Variants in KDM5B observed in about 807,000 individuals in gnomAD.
KDM5B encodes lysine-specific demethylase 5B.
In KDM5B, 144 loss-of-function variants were observed where a neutral mutation model predicts 193.4. The ratio of observed to expected loss-of-function variants is 0.74; its 90% CI spans 0.65 to 0.86. KDM5B has a LOEUF of 0.86. KDM5B is among the 40% of genes least tolerant of loss of function. The pLI, the probability that KDM5B is intolerant of heterozygous loss-of-function variation, is 0.00. For missense variants in KDM5B, 1,833 were observed against 1,886.9 expected (o/e 0.97, Z 0.53); for synonymous variants, 668 against 682.6 (o/e 0.98, Z 0.33).
In KDM5B at chr1:202,740,583, G is replaced by A. The variant is rs1366615420; in HGVS notation, c.3084+91C>T. 6 of 1,277,412 alleles carry A rather than the reference G, an allele frequency of 4.7e-6. No individual in the cohort carries two copies. In the Admixed American group the frequency reaches 1.1e-4, roughly 23 times the overall value. 79.1% of individuals were successfully genotyped at this position (1,277,412 alleles called of 1,614,324 possible). A position where few individuals can be genotyped will look rare whatever the true frequency, so the allele number is the denominator to read the frequency against. ...GACGGGGCGGCTGGCCGGGTCGGGG[G>A]CTGACCCCCCCACCTCCCTCCCGGA... On this transcript the variant is annotated intron_variant, in intron 20 of 26. Coordinates refer to ENST00000367265, the MANE Select transcript of KDM5B (RefSeq NM_006618.5).
At chr1:202,790,196 A>G (rs1244449495) in intron 1 of KDM5B, among the ~76,000 whole-genome samples, 1 of 151,018 alleles carries the variant, frequency 6.6e-6, no homozygotes, top group African/African-American at 2.4e-5. Context: ...TCGGGAGGTA[A>G]AGGTTGCGGT....
In KDM5B at chr1:202,727,018, T is replaced by C. The variant is rs1052026045; in HGVS notation, c.*2018A>G. 2 of 152,196 alleles carry C rather than the reference T, an allele frequency of 1.3e-5. No individual in the cohort carries two copies. Among genetic ancestry groups the C allele is most frequent in the Non-Finnish European group, 2.9e-5 (2 of 68,030 alleles). The allele number at this position is 152,196 out of a possible 1,614,324, so 9.4% of individuals were successfully genotyped here. On this transcript the variant is annotated 3_prime_UTR_variant, in exon 27 of 27. Transcript: ENST00000367265. ...CTACCTTTTCTAACTCACTCAGAGATACAAAGATCTGACTTCCTCAAAGAT... is the reference window on the plus strand; with the variant it reads ...CTACCTTTTCTAACTCACTCAGAGACACAAAGATCTGACTTCCTCAAAGAT...
intron 11 of KDM5B, 120 bp downstream of exon 11, chr1:202,755,151 C>G: frequency 1.4e-6 from 1 of 695,252 alleles, no homozygotes; most frequent in Admixed American, 2.6e-5. Context: ...AAGTGAAAAA[C>G]CTTAGGGAAA....
At chr1:202,749,645 TAC>T (rs1655713891) in intron 13 of KDM5B, among the ~76,000 whole-genome samples, 1 of 151,726 alleles carries the variant, frequency 6.6e-6, no homozygotes, top group South Asian at 2.1e-4. Context: ...TCTGTAATCT[TAC>T]ATATCTTAAT....
At position 202,740,716 on chromosome 1, in the gene KDM5B, C is replaced by T. The variant is rs1314349121; in HGVS notation, c.3042G>A (p.Val1014=). The T allele has an allele frequency of 1.2e-6, 2 of 1,612,846 alleles. No individual in the cohort carries two copies. Among genetic ancestry groups the T allele is most frequent in the African/African-American group, 1.3e-5 (1 of 74,902 alleles). Residue 1014 remains valine (V), a synonymous_variant, in exon 20 of 27, where the codon GTG becomes GTA. Coordinates refer to ENST00000367265, the MANE Select transcript of KDM5B (RefSeq NM_006618.5). ...LPNGAALKDS[V]QRARDWLQDV... ...CCTGAAGCCAGTCTCTGGCTCTCTGCACTGAGTCTTTCAGAGCCGCACCAT... is the reference window on the plus strand; with the variant it reads ...CCTGAAGCCAGTCTCTGGCTCTCTGTACTGAGTCTTTCAGAGCCGCACCAT...
At chr1:202,754,201 T>C (rs546091452) in intron 11 of KDM5B, among the ~76,000 whole-genome samples, 1 of 152,250 alleles carries the variant, frequency 6.6e-6, no homozygotes, top group East Asian at 1.9e-4. Flanking sequence ...CCCTGCGAGG[T>C]ATGGTAAATA....
At chr1:202,795,526 G>A (rs896252175) in intron 1 of KDM5B, among the ~76,000 whole-genome samples, 11 of 151,500 alleles carry the variant, frequency 7.3e-5, no homozygotes, top group African/African-American at 2.4e-4. Flanking sequence ...GTGGCACGTC[G>A]CTGTAATCCC....
chr1:202,729,837 C>T lies in KDM5B; in HGVS notation c.4367G>A (p.Ser1456Asn), dbSNP rs752483009. 6.2e-7 allele frequency: 1 copy of T among 1,614,166 alleles called. No homozygotes were observed. The highest frequency in any genetic ancestry group is 8.5e-7 in the Non-Finnish European group (1 of 1,180,010). ...TTCAGCAGAACGAACTAATTCATAG[C>T]TACGCTCTCTCTCTAACTTGAAATT... ...MNNFKLERER[S>N]YELVRSAETH... The change falls in exon 26 of 27, where the codon AGC becomes AAC. Residue 1456 changes from serine to asparagine, a missense_variant. Physicochemically the swap from Ser to Asn is conservative, Grantham distance 46 (BLOSUM62 1). Transcript: ENST00000367265.
At chr1:202,767,141 C>T (rs78966821) in intron 4 of KDM5B, 81 bp from the exon 5 acceptor site, 18,344 of 1,591,320 alleles carry the variant, frequency 0.012, 148 homozygotes, top group Non-Finnish European at 0.013. Context: ...ATCTAGCATG[C>T]CACATGAGTT....
At chr1:202,769,803 A>T (rs1656638190) in intron 4 of KDM5B, among the ~76,000 whole-genome samples, 1 of 152,016 alleles carries the variant, frequency 6.6e-6, no homozygotes, top group Non-Finnish European at 1.5e-5. Context: ...TCCTCAGTTG[A>T]GCATTTAGAG....
intron 1 of KDM5B, among the ~76,000 whole-genome samples, chr1:202,793,861 T>C (rs1273658924): frequency 1.3e-5 from 2 of 152,034 alleles, no homozygotes; most frequent in African/African-American, 4.8e-5. Flanking sequence ...AAAACAGTAG[T>C]TATAGAGGAA....
In KDM5B at chr1:202,773,275, T is replaced by C. The variant is rs770752307; in HGVS notation, c.419A>G (p.Glu140Gly). Residue 140 changes from glutamate (E) to glycine (G), a missense_variant, in exon 4 of 27, where the codon GAA becomes GGA. Around this residue, in one of 3 missense-constraint regions of KDM5B, gnomAD observed 355 missense variants for 374.9 expected, o/e 0.95. Coordinates refer to ENST00000367265, the MANE Select transcript of KDM5B (RefSeq NM_006618.5). ...LFQLNKLVAEEGGFAVVCKDR... is the reference protein window; with the variant it reads ...LFQLNKLVAEGGGFAVVCKDR... Reference sequence around the variant, plus strand: ...CTTGCAAACAACTGCAAATCCACCTTCTTCTGCAACTAACTGTTAAAATAG... The same window carrying C: ...CTTGCAAACAACTGCAAATCCACCTCCTTCTGCAACTAACTGTTAAAATAG... 1.2e-6 allele frequency: 2 copies of C among 1,614,044 alleles called. No homozygotes were observed. The highest frequency in any genetic ancestry group is 1.7e-6 in the Non-Finnish European group (2 of 1,179,966).
At position 202,727,293 on chromosome 1, in the gene KDM5B, C is replaced by T. The variant is rs187163957; in HGVS notation, c.*1743G>A. The T allele has an allele frequency of 6.3e-3, 952 of 152,264 alleles. 9 individuals are homozygous for T. The highest frequency in any genetic ancestry group is 6.9e-3 in the Non-Finnish European group (467 of 68,028). The allele number at this position is 152,264 out of a possible 1,614,324, so 9.4% of individuals were successfully genotyped here. Reference sequence around the variant, plus strand: ...TTTGAATACTAACAAGGCCAAACCACGATGATTCCAAATTGTACTCTGGAG... The same window carrying T: ...TTTGAATACTAACAAGGCCAAACCATGATGATTCCAAATTGTACTCTGGAG... On this transcript the variant is annotated 3_prime_UTR_variant, in exon 27 of 27. Transcript: ENST00000367265.
chr1:202,748,767 T>C (rs1159610889), intron 14 of KDM5B, among the ~76,000 whole-genome samples, 178 bp downstream of exon 14: 1 of 152,100 alleles, frequency 6.6e-6, no homozygotes, highest in Non-Finnish European at 1.5e-5. Context: ...CATATGTACA[T>C]GTGGCAAATA....
At chr1:202,786,049 G>A (rs1657397712) in intron 1 of KDM5B, among the ~76,000 whole-genome samples, 1 of 151,990 alleles carries the variant, frequency 6.6e-6, no homozygotes, top group South Asian at 2.1e-4. Flanking sequence ...ATCCAGGCTG[G>A]AGTGCAATGG....
At chr1:202,793,748 C>T (rs779828429) in intron 1 of KDM5B, among the ~76,000 whole-genome samples, 1 of 152,144 alleles carries the variant, frequency 6.6e-6, no homozygotes, top group Non-Finnish European at 1.5e-5. Flanking sequence ...AAATTCTAAA[C>T]TTTGTTCTTG....
intron 16 of KDM5B, among the ~76,000 whole-genome samples, chr1:202,743,026 T>C (rs1655410091): frequency 6.6e-6 from 1 of 152,146 alleles, no homozygotes; most frequent in South Asian, 2.1e-4. Context: ...AACTTAAATA[T>C]AAAAATGCTA....
At chr1:202,794,805 A>C (rs1483898100) in intron 1 of KDM5B, among the ~76,000 whole-genome samples, 1 of 152,214 alleles carries the variant, frequency 6.6e-6, no homozygotes, top group East Asian at 1.9e-4. Flanking sequence ...GCAAATACTA[A>C]ACCCTATATA....
At chr1:202,749,611 C>T (rs12754666) in intron 13 of KDM5B, among the ~76,000 whole-genome samples, 2 of 151,180 alleles carry the variant, frequency 1.3e-5, no homozygotes, top group African/African-American at 2.4e-5. Context: ...AGCCTAGGCC[C>T]TATTTATCTT....
Sources: gnomAD v4.1 joint callset for allele counts (sites outside exome capture counted in the v4.1 genomes callset) on GRCh38, gnomAD v4.1.1 for gene constraint, gnomAD v4.1.1 regional missense constraint, MANE v1.5 for transcripts, NCBI Gene and HGNC (gene_info 2026-07-23, HGNC 2026-07-21) for gene names.